The following TADA2A variants were observed in gnomAD, a reference collection of about 807,000 sequenced individuals.
The protein encoded by TADA2A is transcriptional adaptor 2A.
A neutral mutation model predicts 67.4 loss-of-function variants in TADA2A; 38 were observed. That is an observed-to-expected ratio of 0.56 (90% CI 0.44 to 0.74). TADA2A has a LOEUF of 0.74. Among genes scored for constraint, TADA2A ranks in the 30% least tolerant of loss-of-function variants. TADA2A has a pLI of 0.00. For synonymous variants in TADA2A, 192 were observed against 181.6 expected, an observed-to-expected ratio of 1.06 and a Z score of -0.46; for missense variants, 454 against 547.0, an observed-to-expected ratio of 0.83 and a Z score of 1.70.
intron 14 of TADA2A, among the ~76,000 whole-genome samples, chr17:37,473,140 T>A (rs1025848892): frequency 4.7e-5 from 7 of 147,748 alleles, no homozygotes; most frequent in African/African-American, 1.7e-4. Context: ...TTTTTTTTTT[T>A]TTTTTTTTTT....
intron 8 of TADA2A, among the ~76,000 whole-genome samples, chr17:37,450,141 C>G (rs1486834553): frequency 8.5e-5 from 13 of 152,208 alleles, no homozygotes; most frequent in Non-Finnish European, 1.9e-4. Context: ...GCGCTGCATT[C>G]AAAGCCGTCC....
At chr17:37,413,826 G>T (rs1374513024) in intron 2 of TADA2A, among the ~76,000 whole-genome samples, 1 of 151,964 alleles carries the variant, frequency 6.6e-6, no homozygotes, top group Non-Finnish European at 1.5e-5. Flanking sequence ...AAGTTCAGGG[G>T]TACATGTGCA....
At chr17:37,409,301 C>T (rs2051782814) in intron 1 of TADA2A, among the ~76,000 whole-genome samples, 1 of 152,028 alleles carries the variant, frequency 6.6e-6, no homozygotes, top group Non-Finnish European at 1.5e-5. Flanking sequence ...GTTGCCCAGG[C>T]TGGTCTGAAA....
At chr17:37,466,584 T>C (rs1168881303) in intron 11 of TADA2A, among the ~76,000 whole-genome samples, 1 of 152,188 alleles carries the variant, frequency 6.6e-6, no homozygotes, top group Non-Finnish European at 1.5e-5. Flanking sequence ...AAATATTTCT[T>C]ACATAGCATT....
chr17:37,438,009 G>A (rs951586592), intron 5 of TADA2A, 180 bp downstream of exon 5: 7 of 603,696 alleles, frequency 1.2e-5, no homozygotes, highest in Admixed American at 3.0e-5. Flanking sequence ...AATGTGTCAC[G>A]AGGATATGGG....
intron 2 of TADA2A, among the ~76,000 whole-genome samples, chr17:37,414,283 C>T (rs1418410260): frequency 1.3e-5 from 2 of 152,082 alleles, no homozygotes; most frequent in Non-Finnish European, 2.9e-5. Flanking sequence ...TAGCTAGGTT[C>T]ATGGATTATT....
chr17:37,426,663 C>CAAAAA (rs1424101658), intron 3 of TADA2A: 6 of 98,648 alleles, frequency 6.1e-5, no homozygotes, highest in Admixed American at 1.6e-4. Context: ...GACTCCGTCT[C>CAAAAA]AGAAAAAAAA....
intron 2 of TADA2A, among the ~76,000 whole-genome samples, chr17:37,413,964 C>T (rs2051959914): frequency 6.6e-6 from 1 of 152,120 alleles, no homozygotes; most frequent in African/African-American, 2.4e-5. Flanking sequence ...TGTTCACCCT[C>T]AAGAAGGCCC....
chr17:37,420,394 C>CTTTT (rs202103528), intron 2 of TADA2A, among the ~76,000 whole-genome samples: 2 of 131,612 alleles, frequency 1.5e-5, no homozygotes, highest in Non-Finnish European at 3.3e-5. Context: ...TCTTCTGTGT[C>CTTTT]TTTTTTTTTT....
intron 2 of TADA2A, among the ~76,000 whole-genome samples, chr17:37,411,696 C>T (rs2051877367): frequency 6.6e-6 from 1 of 151,498 alleles, no homozygotes; most frequent in Non-Finnish European, 1.5e-5. Flanking sequence ...TCCCAAAGTG[C>T]TGGGATTACA....
chr17:37,426,929 T>G (rs773269733), intron 3 of TADA2A, 21 bp from the exon 4 acceptor site: 1 of 1,591,646 alleles, frequency 6.3e-7, no homozygotes, highest in Admixed American at 1.8e-5. Context: ...TTTTGCTAAT[T>G]TAATTTTTCT....
At chr17:37,474,484 C>T in intron 14 of TADA2A, 72 bp from the exon 15 acceptor site, 1 of 1,502,760 alleles carries the variant, frequency 6.7e-7, no homozygotes, top group Non-Finnish European at 9.1e-7. Context: ...CTGCACTGAA[C>T]TTTTTAATAC....
chr17:37,462,038 A>C, intron 9 of TADA2A, 40 bp from the exon 10 acceptor site: 2 of 1,454,966 alleles, frequency 1.4e-6, no homozygotes, highest in Non-Finnish European at 1.9e-6. Context: ...AAATGTGAAA[A>C]TAATTCTAAT....
At position 37,460,341 on chromosome 17, in the gene TADA2A, G is replaced by C. The variant is rs9904502; in HGVS notation, c.669-1737G>C. On this transcript the variant is annotated intron_variant, in intron 9 of 15. Transcript: ENST00000615182. ...GCTCACTGCAGCGTCTGCCTCCTGA[G>C]TTCAAGCAATTATCGTGCCTCAGCC... 7.0e-3 allele frequency among the ~76,000 whole-genome samples: 1,070 copies of C among 152,206 alleles called. 16 individuals are homozygous for C. The highest frequency in any genetic ancestry group is 0.025 in the African/African-American group (1,022 of 41,526).
intron 4 of TADA2A, among the ~76,000 whole-genome samples, chr17:37,436,140 A>G (rs945588885): frequency 6.6e-6 from 1 of 152,150 alleles, no homozygotes; most frequent in Non-Finnish European, 1.5e-5. Context: ...ACCTCATAAC[A>G]TATACACATA....
intron 4 of TADA2A, among the ~76,000 whole-genome samples, chr17:37,432,925 A>ATTTTTTTTTTTTTTTTTTTTTTT (rs1046006991): frequency 3.8e-5 from 2 of 52,210 alleles, no homozygotes; most frequent in Non-Finnish European, 6.8e-5. Context: ...TGGTATTACA[A>ATTTTTTTTTTTTTTTTTTTTTTT]TTTTTTTTTT....
chr17:37,426,803 C>T lies in TADA2A; in HGVS notation c.133-147C>T, dbSNP rs771493959. ...AAGGCTGCAGTGAGCTATGATGGTG[C>T]CACTGCACTTCGGCCTGGGTGACAG... On this transcript the variant is annotated intron_variant, in intron 3 of 15. Transcript: ENST00000615182. 6.0e-4 allele frequency: 377 copies of T among 627,268 alleles called. 3 individuals are homozygous for T. The highest frequency in any genetic ancestry group is 7.2e-4 in the Non-Finnish European group (266 of 366,926). 38.9% of individuals were successfully genotyped at this position (627,268 alleles called of 1,614,324 possible). A position where few individuals can be genotyped will look rare whatever the true frequency, so the allele number is the denominator to read the frequency against.
intron 4 of TADA2A, among the ~76,000 whole-genome samples, chr17:37,431,344 A>G (rs2052560960): frequency 6.6e-6 from 1 of 151,870 alleles, no homozygotes; most frequent in Admixed American, 6.6e-5. Context: ...GAAAGTCCCA[A>G]GAGGGTTATG....
chr17:37,453,759 A>ATTTT (rs143096066), intron 8 of TADA2A, among the ~76,000 whole-genome samples: 3 of 69,066 alleles, frequency 4.3e-5, no homozygotes, highest in Non-Finnish European at 4.9e-5. Flanking sequence ...GAAATAACTG[A>ATTTT]TTTTTTTTTT....
Sources: gnomAD v4.1 joint callset for allele counts (sites outside exome capture counted in the v4.1 genomes callset) on GRCh38, gnomAD v4.1.1 for gene constraint, MANE v1.5 for transcripts, NCBI Gene and HGNC (gene_info 2026-07-23, HGNC 2026-07-21) for gene names.